TANC1: variants seen among roughly 807,000 people sequenced by gnomAD.
The protein encoded by TANC1 is tetratricopeptide repeat, ankyrin repeat and coiled-coil containing 1.
A neutral mutation model predicts 149.7 loss-of-function variants in TANC1; 77 were observed. The ratio of observed to expected loss-of-function variants is 0.51; its 90% CI spans 0.43 to 0.62. TANC1 has a LOEUF of 0.62. Among genes scored for constraint, TANC1 ranks in the 20% least tolerant of loss-of-function variants. The pLI is 0.00. For missense variants in TANC1, 1,985 were observed against 2,321.8 expected, an observed-to-expected ratio of 0.85 and a Z score of 2.98; for synonymous variants, 854 against 925.0, an observed-to-expected ratio of 0.92 and a Z score of 1.39.
In TANC1 at chr2:159,199,014, G is replaced by A; in HGVS notation, c.3205G>A (p.Val1069Ile). 1 of 1,614,098 alleles carries A rather than the reference G, an allele frequency of 6.2e-7. No homozygotes were observed. The highest frequency in any genetic ancestry group is 8.5e-7 in the Non-Finnish European group (1 of 1,179,992). ...CLLGMEKEHEVEVNGTDTLWG... is the reference protein window; with the variant it reads ...CLLGMEKEHEIEVNGTDTLWG... ...GCTGGGGATGGAGAAGGAACATGAA[G>A]TAGAAGTCAATGGCACCGACACATT... The change falls in exon 19 of 27, where the codon GTA becomes ATA. Residue 1069 changes from valine (V) to isoleucine (I), a missense_variant. Physicochemically the swap from Val to Ile is conservative, Grantham distance 29. This residue lies in a region of TANC1 where 920 missense variants were observed against 994.7 expected (regional missense o/e 0.92). Transcript: ENST00000263635.
intron 2 of TANC1, among the ~76,000 whole-genome samples, chr2:159,063,716 C>T (rs1574419048): frequency 6.6e-6 from 1 of 152,184 alleles, no homozygotes; most frequent in African/African-American, 2.4e-5. Flanking sequence ...ATTTGATAGC[C>T]TCTTTCACTT....
At chr2:159,105,751 G>A (rs909480218) in intron 4 of TANC1, among the ~76,000 whole-genome samples, 10 of 152,058 alleles carry the variant, frequency 6.6e-5, no homozygotes, top group African/African-American at 1.9e-4. Flanking sequence ...AGATTTAAAG[G>A]CATCTCTGAT....
intron 8 of TANC1, among the ~76,000 whole-genome samples, chr2:159,168,434 G>A (rs1288420693): frequency 6.6e-6 from 1 of 151,592 alleles, no homozygotes; most frequent in East Asian, 1.9e-4. Flanking sequence ...CAAGTAGCTG[G>A]GATTTCAGAG....
chr2:159,163,238 A>C, intron 7 of TANC1, 45 bp from the exon 8 acceptor site: 1 of 1,586,574 alleles, frequency 6.3e-7, no homozygotes, highest in Non-Finnish European at 8.6e-7. Context: ...CTTCAGCCCC[A>C]GCTGTGCCTG....
intron 2 of TANC1, among the ~76,000 whole-genome samples, chr2:159,058,495 A>G (rs192638642): frequency 3.3e-5 from 5 of 152,246 alleles, no homozygotes. Flanking sequence ...TGTAAGGTAC[A>G]TTGCTAGATG....
At chr2:159,188,204 A>G (rs540176081) in intron 16 of TANC1, among the ~76,000 whole-genome samples, 1 of 152,370 alleles carries the variant, frequency 6.6e-6, no homozygotes, top group East Asian at 1.9e-4. Flanking sequence ...AGGATCTTGA[A>G]CAAATTACAG....
chr2:159,074,146 A>G (rs1407781491), intron 3 of TANC1, among the ~76,000 whole-genome samples: 1 of 148,286 alleles, frequency 6.7e-6, no homozygotes, highest in Non-Finnish European at 1.5e-5. Flanking sequence ...GGGGCAGGCT[A>G]GTTATACCTC....
rs944566291 is a variant in TANC1 at position 159,116,462 on chromosome 2, A to C, written c.259+18628A>C. 2.6e-3 allele frequency among the ~76,000 whole-genome samples: 397 copies of C among 151,992 alleles called. 2 individuals are homozygous for C. The highest frequency in any genetic ancestry group is 4.5e-3 in the Non-Finnish European group (303 of 67,900). The stretch of plus-strand genomic sequence containing the variant: ...AACAACAACAACAACAACAAAAAAA[A>C]AAAAACAAAGGACCTGTTAGCTTTT... On this transcript the variant is annotated intron_variant, in intron 4 of 26. Transcript: ENST00000263635.
intron 11 of TANC1, 68 bp downstream of exon 11, chr2:159,172,340 G>A (rs2150487060): frequency 6.7e-7 from 1 of 1,496,756 alleles, no homozygotes; most frequent in Non-Finnish European, 9.1e-7. Flanking sequence ...CTGAGAAGTA[G>A]ATTGGAAAAG....
chr2:159,181,733 T>C (rs2056504032), intron 14 of TANC1, among the ~76,000 whole-genome samples: 2 of 152,242 alleles, frequency 1.3e-5, no homozygotes, highest in South Asian at 4.1e-4. Context: ...ATATTTTAAT[T>C]CTCCATGCCT....
intron 3 of TANC1, among the ~76,000 whole-genome samples, chr2:159,094,776 G>T (rs572485070): frequency 0.018 from 2,655 of 147,306 alleles, 33 homozygotes; most frequent in South Asian, 0.025. Context: ...TGTGTGTGTG[G>T]GGGGGGGGTG....
chr2:159,003,325 T>C (rs771996180), intron 2 of TANC1, among the ~76,000 whole-genome samples: 2 of 152,146 alleles, frequency 1.3e-5, no homozygotes, highest in Non-Finnish European at 2.9e-5. Context: ...AAGTAGCCCT[T>C]TGTTTTGGGA....
chr2:159,198,109 G>A (rs907394049), intron 18 of TANC1, among the ~76,000 whole-genome samples: 6 of 152,038 alleles, frequency 3.9e-5, no homozygotes, highest in Admixed American at 2.0e-4. Flanking sequence ...AGCCTCTGTC[G>A]TCTCATTTCC....
intron 3 of TANC1, among the ~76,000 whole-genome samples, chr2:159,071,356 C>A (rs2043140484): frequency 6.6e-6 from 1 of 152,042 alleles, no homozygotes; most frequent in Admixed American, 6.6e-5. Context: ...CTTTATTTTT[C>A]CCCAGTAGGG....
At chr2:159,204,379 C>T (rs1211139507) in intron 19 of TANC1, among the ~76,000 whole-genome samples, 5 of 152,196 alleles carry the variant, frequency 3.3e-5, no homozygotes, top group Admixed American at 1.3e-4. Context: ...CAGATCCTCT[C>T]GCCAAGTCCT....
Position 159,231,201 on chromosome 2 carries a change from A to G in TANC1, c.*189A>G, listed in dbSNP as rs1056459752. 3.8e-6 allele frequency: 2 copies of G among 530,970 alleles called. No homozygotes were observed. The allele number at this position is 530,970 out of a possible 1,614,324, so 32.9% of individuals were successfully genotyped here. A position where few individuals can be genotyped will look rare whatever the true frequency, so the allele number is the denominator to read the frequency against. On this transcript the variant is annotated 3_prime_UTR_variant, in exon 27 of 27. Coordinates refer to ENST00000263635, the MANE Select transcript of TANC1 (RefSeq NM_033394.3). ...ATAGCTAGAAATCACCATAAATAAG[A>G]ATGCTAAACAGAATTGAAAATTATA...
chr2:159,166,949 C>T (rs1288284010), intron 8 of TANC1, among the ~76,000 whole-genome samples: 1 of 152,226 alleles, frequency 6.6e-6, no homozygotes, highest in South Asian at 2.1e-4. Flanking sequence ...GGTGCCGAAG[C>T]TCTAGTGGCT....
chr2:159,078,042 C>T (rs945851651), intron 3 of TANC1, among the ~76,000 whole-genome samples: 3 of 152,152 alleles, frequency 2.0e-5, no homozygotes, highest in Non-Finnish European at 4.4e-5. Flanking sequence ...TGAACTCAAA[C>T]ACATTTTTAT....
rs113262393 is a variant in TANC1 at position 159,172,182 on chromosome 2, T to G, written c.1413T>G (p.Ser471Arg). 0.01 allele frequency: 16,733 copies of G among 1,614,208 alleles called. 193 individuals are homozygous for G. The highest frequency in any genetic ancestry group is 0.043 in the South Asian group (3,956 of 91,076). Residue 471 changes from serine (S) to arginine (R), a missense_variant, in exon 11 of 27, where the codon AGT (serine) becomes AGG (arginine). By Grantham distance (110) the Ser-to-Arg change is moderately radical. This residue lies in a region of TANC1 where 557 missense variants were observed against 612.9 expected (regional missense o/e 0.91). Coordinates refer to ENST00000263635, the MANE Select transcript of TANC1 (RefSeq NM_033394.3). ...TPLLSPSSSTSASSTAKTPLG... is the reference protein window; with the variant it reads ...TPLLSPSSSTRASSTAKTPLG... ...TGCTTTCACCGAGTTCTTCCACAAG[T>G]GCTTCCAGCACAGCTAAAACACCTC...
Sources: gnomAD v4.1 joint callset for allele counts (sites outside exome capture counted in the v4.1 genomes callset) on GRCh38, gnomAD v4.1.1 for gene constraint, gnomAD v4.1.1 regional missense constraint, MANE v1.5 for transcripts, NCBI Gene and HGNC (gene_info 2026-07-23, HGNC 2026-07-21) for gene names.